SUPT3H: variants seen among roughly 807,000 people sequenced by gnomAD.
The protein encoded by SUPT3H is transcription initiation protein SPT3 homolog.
SUPT3H carries 44 observed loss-of-function variants against 44.3 expected under a neutral mutation model. The ratio of observed to expected loss-of-function variants is 0.99; its 90% CI spans 0.78 to 1.28. SUPT3H has a LOEUF of 1.28. SUPT3H is among the 50% of genes most tolerant of loss of function. SUPT3H has a pLI of 0.00. For synonymous variants in SUPT3H, 124 were observed against 125.6 expected, an observed-to-expected ratio of 0.99 and a Z score of 0.09; for missense variants, 380 against 387.1, an observed-to-expected ratio of 0.98 and a Z score of 0.15.
intron 2 of SUPT3H, among the ~76,000 whole-genome samples, chr6:45,297,705 G>C (rs1459209759): frequency 6.6e-6 from 1 of 152,022 alleles, no homozygotes; most frequent in Non-Finnish European, 1.5e-5. Flanking sequence ...TGAACTTGAA[G>C]TTCAGTAAGA....
intron 2 of SUPT3H, among the ~76,000 whole-genome samples, chr6:45,233,469 T>C (rs1452091124): frequency 1.3e-5 from 2 of 152,222 alleles, no homozygotes; most frequent in Non-Finnish European, 2.9e-5. Flanking sequence ...CTACTCATGC[T>C]AGTGTCAGAA....
At chr6:45,182,389 G>C (rs1813427520) in intron 2 of SUPT3H, among the ~76,000 whole-genome samples, 1 of 152,038 alleles carries the variant, frequency 6.6e-6, no homozygotes, top group South Asian at 2.1e-4. Context: ...AGCCCTCCAG[G>C]TAGCTGGGAT....
At chr6:45,311,082 A>C (rs1783872686) in intron 2 of SUPT3H, among the ~76,000 whole-genome samples, 1 of 152,224 alleles carries the variant, frequency 6.6e-6, no homozygotes, top group Non-Finnish European at 1.5e-5. Flanking sequence ...GCATAAAGAA[A>C]ATACAATCAA....
In SUPT3H at chr6:45,024,677, G is replaced by A. The variant is rs73737833; in HGVS notation, c.187-4045C>T. Among the ~76,000 whole-genome samples the A allele has an allele frequency of 3.9e-3, 597 of 152,174 alleles. 7 individuals carry two copies. Among genetic ancestry groups the A allele is most frequent in the African/African-American group, 0.014 (567 of 41,508 alleles). ...TTGTGTGTCAATTTGACTGGACCGC[G>A]GGGTACATAGACATTTGGTCAAGCA... On this transcript the variant is annotated intron_variant, in intron 3 of 10. Coordinates refer to ENST00000371459, the MANE Select transcript of SUPT3H (RefSeq NM_003599.4).
intron 2 of SUPT3H, among the ~76,000 whole-genome samples, chr6:45,239,898 C>G (rs1180791008): frequency 6.6e-6 from 1 of 152,166 alleles, no homozygotes; most frequent in East Asian, 1.9e-4. Flanking sequence ...ACCCCATATG[C>G]AACTTAATCT....
At chr6:45,272,854 C>A (rs1286929758) in intron 2 of SUPT3H, among the ~76,000 whole-genome samples, 1 of 152,150 alleles carries the variant, frequency 6.6e-6, no homozygotes, top group Non-Finnish European at 1.5e-5. Context: ...CCTCAAGCAT[C>A]CCCAAAAAAA....
At chr6:44,898,328 C>T (rs112719968) in intron 10 of SUPT3H, among the ~76,000 whole-genome samples, 3 of 152,330 alleles carry the variant, frequency 2.0e-5, no homozygotes, top group African/African-American at 7.2e-5. Context: ...GCAGAAGGCA[C>T]TGTGGTTCAC....
intron 6 of SUPT3H, among the ~76,000 whole-genome samples, chr6:44,987,291 C>T (rs938497679): frequency 4.8e-5 from 5 of 104,774 alleles, no homozygotes; most frequent in African/African-American, 1.5e-4. Context: ...ATAAATTGGG[C>T]GGGGGGTGGG....
chr6:45,162,346 A>T (rs150937684), intron 2 of SUPT3H, among the ~76,000 whole-genome samples: 1 of 152,182 alleles, frequency 6.6e-6, no homozygotes, highest in East Asian at 1.9e-4. Context: ...CAACATAGCA[A>T]GATCCCTTCT....
chr6:45,166,118 T>C (rs578222548), intron 2 of SUPT3H, among the ~76,000 whole-genome samples: 1 of 151,966 alleles, frequency 6.6e-6, no homozygotes, highest in Non-Finnish European at 1.5e-5. Flanking sequence ...CACAGGGAGA[T>C]GTCATCTCTA....
chr6:45,120,507 T>C (rs1010460638), intron 2 of SUPT3H, among the ~76,000 whole-genome samples: 7 of 148,670 alleles, frequency 4.7e-5, no homozygotes, highest in African/African-American at 1.5e-4. Context: ...TTTGATAAAA[T>C]TGGAAATAAC....
At chr6:45,306,706 G>C (rs571465878) in intron 2 of SUPT3H, among the ~76,000 whole-genome samples, 5 of 152,180 alleles carry the variant, frequency 3.3e-5, no homozygotes, top group Non-Finnish European at 7.3e-5. Flanking sequence ...CTCCCAGCAT[G>C]AGCGACACAG....
chr6:44,990,826 A>C (rs1030998351), intron 6 of SUPT3H, among the ~76,000 whole-genome samples: 4 of 152,100 alleles, frequency 2.6e-5, no homozygotes, highest in African/African-American at 7.2e-5. Context: ...GCAAAGTCTT[A>C]TTTTAAATTA....
At chr6:45,018,707 ATGG>A (rs1206523096) in intron 4 of SUPT3H, among the ~76,000 whole-genome samples, 1 of 152,094 alleles carries the variant, frequency 6.6e-6, no homozygotes, top group Non-Finnish European at 1.5e-5. Context: ...CCACTTGATC[ATGG>A]TGGATAAGCT....
At chr6:45,126,031 C>T (rs1397589542) in intron 2 of SUPT3H, among the ~76,000 whole-genome samples, 1 of 152,112 alleles carries the variant, frequency 6.6e-6, no homozygotes, top group Non-Finnish European at 1.5e-5. Context: ...TATGAACCAA[C>T]AAGCTTCTGC....
At chr6:45,014,745 T>G in intron 5 of SUPT3H, 56 bp downstream of exon 5, 1 of 1,269,232 alleles carries the variant, frequency 7.9e-7, no homozygotes, top group Non-Finnish European at 1.1e-6. Context: ...AAATGTGTTA[T>G]CCAGCACACA....
chr6:44,833,963 C>CTT (rs1460729465), intron 10 of SUPT3H, among the ~76,000 whole-genome samples: 1 of 152,154 alleles, frequency 6.6e-6, no homozygotes, highest in African/African-American at 2.4e-5. Flanking sequence ...ATCATCTTCA[C>CTT]TTTGGAGGCT....
chr6:45,118,593 G>A (rs1384923501), intron 2 of SUPT3H, among the ~76,000 whole-genome samples: 1 of 152,028 alleles, frequency 6.6e-6, no homozygotes, highest in Non-Finnish European at 1.5e-5. Flanking sequence ...TAGGTTTCAG[G>A]TCTTCTCACT....
intron 5 of SUPT3H, among the ~76,000 whole-genome samples, chr6:45,005,615 C>A (rs56310184): frequency 1.3e-5 from 2 of 150,674 alleles, no homozygotes; most frequent in African/African-American, 4.9e-5. Context: ...GCAGGAGAAT[C>A]GCTTGAACCC....
Sources: gnomAD v4.1 joint callset for allele counts (sites outside exome capture counted in the v4.1 genomes callset) on GRCh38, gnomAD v4.1.1 for gene constraint, MANE v1.5 for transcripts, NCBI Gene and HGNC (gene_info 2026-07-23, HGNC 2026-07-21) for gene names.